PTCH1: variants seen among roughly 807,000 people sequenced by gnomAD.
PTCH1 encodes protein patched homolog 1.
In PTCH1, 14 loss-of-function variants were observed where a neutral mutation model predicts 144.6. The ratio of observed to expected loss-of-function variants is 0.10; its 90% CI spans 0.06 to 0.15. PTCH1 has a LOEUF of 0.15. Ranked by LOEUF, PTCH1 falls within the 10% of genes least tolerant of loss-of-function variation. The probability of loss-of-function intolerance (pLI) is 1.00; values close to 1 mark genes in which losing one functional copy is unlikely to be tolerated. For synonymous variants in PTCH1, 833 were observed against 793.6 expected (o/e 1.05, Z -0.83); for missense variants, 1,623 against 1,948.3 (o/e 0.83, Z 3.14).
chr9:95,516,509 A>C, exon 1 of PTCH1: 1 of 1,537,850 alleles, frequency 6.5e-7, no homozygotes, highest in Non-Finnish European at 8.7e-7. Flanking sequence ...GCGGGTGCCG[A>C]TGGCGCGGAC....
At chr9:95,488,785 C>G (rs1254404891) in intron 2 of PTCH1, among the ~76,000 whole-genome samples, 1 of 152,042 alleles carries the variant, frequency 6.6e-6, no homozygotes, top group East Asian at 1.9e-4. Flanking sequence ...GATGGTGATG[C>G]CATGTTGGGT....
chr9:95,476,878 G>A lies in PTCH1; in HGVS notation c.1504-21C>T, dbSNP rs1161028617. 2.5e-6 allele frequency: 4 copies of A among 1,605,634 alleles called. No individual in the cohort carries two copies. Among genetic ancestry groups the A allele is most frequent in the Non-Finnish European group, 2.6e-6 (3 of 1,173,128 alleles). Reference sequence around the variant, plus strand: ...AAAACCTACAGCAAAAACAGAGGATGGTGGCATTAGACATGCGAGATGCAA... The same window carrying A: ...AAAACCTACAGCAAAAACAGAGGATAGTGGCATTAGACATGCGAGATGCAA... On this transcript the variant is annotated intron_variant, in intron 10 of 23. Transcript: ENST00000331920. This position sits in a 1 kb window ranked among gnomAD's most constrained non-coding sequence, Gnocchi z 4.6.
At chr9:95,513,626 C>G (rs1844244561), upstream of PTCH1, among the ~76,000 whole-genome samples, 2 of 152,022 alleles carry the variant, frequency 1.3e-5, no homozygotes, top group Admixed American at 1.3e-4. Context: ...TCTTGGCTCC[C>G]TAAGAATGCC....
rs754129614 is a variant in PTCH1, at chr9:95,461,845, A to G, written c.2703+11T>C. 6.2e-7 allele frequency: 1 copy of G among 1,614,136 alleles called. No individual in the cohort carries two copies. The highest frequency in any genetic ancestry group is 1.1e-5 in the South Asian group (1 of 91,076). On this transcript the variant is annotated intron_variant, in intron 16 of 23. Coordinates refer to ENST00000331920, the MANE Select transcript of PTCH1 (RefSeq NM_000264.5). The stretch of plus-strand genomic sequence containing the variant: ...CCTGGAAGCGCCCTCAGTGCCCAGC[A>G]GCTGGAGTACCTGGCTGATGTCGAT...
At chr9:95,508,036 T>C in intron 1 of PTCH1, 125 bp downstream of exon 1, 3 of 1,247,434 alleles carry the variant, frequency 2.4e-6, no homozygotes, top group South Asian at 2.6e-5. Context: ...TGGAGAGGTG[T>C]GAGTGAGTGT....
upstream of PTCH1, chr9:95,513,919 A>G (rs1468894784): frequency 1.3e-5 from 2 of 152,110 alleles, no homozygotes; most frequent in African/African-American, 4.8e-5. Flanking sequence ...AGCTGCTCCT[A>G]ACTCCACAAA....
Position 95,508,559 on chromosome 9 carries a change from TGCGGCC to T in PTCH1, c.-204_-199del, listed in dbSNP as rs904650271. On this transcript the variant is annotated 5_prime_UTR_variant, in exon 1 of 24. Transcript: ENST00000331920. ...CTCACACGGCGGGCGCTGCTGCCGC[TGCGGCC>T]GCGGCCGCTGCCGGGGAGTCAGACC... 3.4e-5 allele frequency: 34 copies of T among 1,004,592 alleles called. No homozygotes were observed. The highest frequency in any genetic ancestry group is 4.9e-4 in the Middle Eastern group (1 of 2,044). The allele number at this position is 1,004,592 out of a possible 1,614,324, so 62.2% of individuals were successfully genotyped here.
At chr9:95,482,790 T>C (rs1027622716) in intron 3 of PTCH1, 2 of 163,630 alleles carry the variant, frequency 1.2e-5, no homozygotes, top group East Asian at 3.6e-4. Flanking sequence ...ATTAATTTAG[T>C]GCTGGGTGCT....
chr9:95,516,789 AT>A, exon 1 of PTCH1: 1 of 1,611,810 alleles, frequency 6.2e-7, no homozygotes, highest in Admixed American at 1.7e-5. Flanking sequence ...CGGACTCACA[AT>A]TACAAGCCTG....
intron 19 of PTCH1, 39 bp downstream of exon 19, chr9:95,456,237 G>A: frequency 6.2e-7 from 1 of 1,610,690 alleles, no homozygotes; most frequent in African/African-American, 1.3e-5. Context: ...GAAATGGGTT[G>A]TTTTTTCACA....
rs1245184042 is a variant in PTCH1, at chr9:95,480,012, T to G, written c.1024A>C (p.Ile342Leu). The G allele has an allele frequency of 4.3e-6, 7 of 1,613,916 alleles. No homozygotes were observed. The highest frequency in any genetic ancestry group is 5.9e-6 in the Non-Finnish European group (7 of 1,180,032). The change falls in exon 7 of 24, where the codon ATT (isoleucine) becomes CTT (leucine). Residue 342 changes from isoleucine (I) to leucine (L), a missense_variant. Physicochemically the swap from Ile to Leu is conservative, Grantham distance 5. Transcript: ENST00000331920. ...RKYMHWQEELIVGGTVKNSTG... is the reference protein window; with the variant it reads ...RKYMHWQEELLVGGTVKNSTG... ...CTGTTCTTGACTGTGCCACCCACAA[T>G]CAACTCCTCCTGCCAGTGCATATAC...
At chr9:95,506,358 C>T (rs2118871203) in intron 2 of PTCH1, 49 bp downstream of exon 2, 2 of 1,585,462 alleles carry the variant, frequency 1.3e-6, no homozygotes, top group Non-Finnish European at 1.7e-6. Flanking sequence ...CTATCAACCG[C>T]GAGGAGGGAC....
rs777969745 is a variant in PTCH1 at position 95,479,129 on chromosome 9, G to A, written c.1086C>T (p.Thr362=). 6 of 1,613,930 alleles carry A rather than the reference G, an allele frequency of 3.7e-6. No homozygotes were observed. In the African/African-American group the frequency reaches 5.3e-5, roughly 14 times the overall value. Residue 362 remains threonine (T), a synonymous_variant, in exon 8 of 24, where the codon ACC becomes ACT. Transcript: ENST00000331920. ...GKLVSAHALQ[T]MFQLMTPKQM... is the part of the protein sequence containing the mutation. ...GCTTGGGAGTCATTAACTGGAACAT[G>A]GTCTGCAGGGCATGGGCGCTGCAGC...
intron 5 of PTCH1, among the ~76,000 whole-genome samples, chr9:95,481,656 A>AAGAGTTAAAAAATC (rs2118451896): frequency 6.6e-6 from 1 of 152,350 alleles, no homozygotes; most frequent in South Asian, 2.1e-4. Context: ...GAACATTTTA[A>AAGAGTTAAAAAATC]AGAGTTAAAA....
rs369295226 is a variant in PTCH1 at position 95,447,440 on chromosome 9, G to C, written c.3816C>G (p.Pro1272=). Residue 1272 remains proline, a synonymous_variant, in exon 23 of 24, where the codon CCC becomes CCG. Coordinates refer to ENST00000331920, the MANE Select transcript of PTCH1 (RefSeq NM_000264.5). ...PVFAHSTVVH[P]ESRHHPPSNP... is the part of the protein sequence containing the mutation. ...TCGAGGGTGGGTGATGCCTGGATTC[G>C]GGATGGACCACCTGCAGAGGGTGAG... The C allele has an allele frequency of 6.3e-7, 1 of 1,588,216 alleles. No homozygotes were observed.
intron 12 of PTCH1, among the ~76,000 whole-genome samples, chr9:95,474,515 C>T (rs1840868079): frequency 6.6e-6 from 1 of 152,170 alleles, no homozygotes; most frequent in Non-Finnish European, 1.5e-5. Flanking sequence ...ACTATTTTTA[C>T]TTCTATATAA....
At chr9:95,505,890 C>T (rs1843550254) in intron 2 of PTCH1, among the ~76,000 whole-genome samples, 1 of 148,878 alleles carries the variant, frequency 6.7e-6, no homozygotes, top group African/African-American at 2.4e-5. Flanking sequence ...CGCCCGCCCC[C>T]GGCCCTCCCC....
At chr9:95,477,470 C>G (rs2118300769) in intron 10 of PTCH1, 77 bp downstream of exon 10, 2 of 1,590,558 alleles carry the variant, frequency 1.3e-6, no homozygotes, top group South Asian at 2.2e-5. Flanking sequence ...ACACAGCACA[C>G]AGGAGGCTGG....
chr9:95,471,853 A>G (rs1840615868), intron 12 of PTCH1, among the ~76,000 whole-genome samples: 1 of 152,214 alleles, frequency 6.6e-6, no homozygotes, highest in Non-Finnish European at 1.5e-5. Flanking sequence ...AGCCTGACCA[A>G]CATGGAGAAA....
Sources: allele counts gnomAD v4.1 joint callset (sites outside exome capture counted in the v4.1 genomes callset), GRCh38; gene constraint gnomAD v4.1.1; non-coding constraint Gnocchi (gnomAD v3.1); transcripts MANE v1.5; gene names NCBI Gene and HGNC (gene_info 2026-07-23, HGNC 2026-07-21).